Variants in MPPED2 observed in about 807,000 individuals in gnomAD.
MPPED2 encodes the protein metallophosphoesterase domain containing 2, also known as metallophosphoesterase MPPED2.
In MPPED2, 5 loss-of-function variants were observed where a neutral mutation model predicts 33.0. The ratio of observed to expected loss-of-function variants is 0.15; its 90% CI spans 0.08 to 0.32. MPPED2 has a LOEUF of 0.32. MPPED2 is among the 10% of genes least tolerant of loss of function. MPPED2 has a pLI of 1.00. For synonymous variants in MPPED2, 136 were observed against 141.9 expected (o/e 0.96, Z 0.29); for missense variants, 275 against 372.1 (o/e 0.74, Z 2.15).
intron 2 of MPPED2, among the ~76,000 whole-genome samples, chr11:30,545,482 T>C (rs138808907): frequency 2.0e-5 from 3 of 152,268 alleles, no homozygotes; most frequent in Non-Finnish European, 4.4e-5. Flanking sequence ...AGCTCTATCT[T>C]ACAGCCATCT....
chr11:30,556,477 C>T (rs1029328376), intron 2 of MPPED2, among the ~76,000 whole-genome samples: 1 of 152,140 alleles, frequency 6.6e-6, no homozygotes, highest in African/African-American at 2.4e-5. Flanking sequence ...GACTTCAATT[C>T]CACATGGTTT....
At position 30,565,831 on chromosome 11, in the gene MPPED2, C is replaced by CA. The variant is rs1317669591; in HGVS notation, c.128+14414dup. Among the ~76,000 whole-genome samples the CA allele has an allele frequency of 2.6e-5, 4 of 152,114 alleles. 1 individual carries two copies. Among genetic ancestry groups the CA allele is most frequent in the South Asian group, 4.1e-4 (2 of 4,832 alleles). On this transcript the variant is annotated intron_variant, in intron 2 of 6. Transcript: ENST00000358117. ...TCAAGGTGTTGACAGTTTAGTCACC[C>CA]ACAATTAGAACTCCATTGCATACTT...
chr11:30,402,082 G>A (rs1205028916), intron 6 of MPPED2, among the ~76,000 whole-genome samples: 3 of 152,086 alleles, frequency 2.0e-5, no homozygotes, highest in Non-Finnish European at 4.4e-5. Flanking sequence ...GGTTATGGAA[G>A]GAGAATGTCT....
chr11:30,497,721 CT>C (rs1406720979), intron 3 of MPPED2, among the ~76,000 whole-genome samples: 1 of 152,000 alleles, frequency 6.6e-6, no homozygotes, highest in Non-Finnish European at 1.5e-5. Flanking sequence ...TTCTTTCTTT[CT>C]TTTTAGTAAA....
chr11:30,443,530 G>A (rs499496), intron 4 of MPPED2, among the ~76,000 whole-genome samples: 13,111 of 152,128 alleles, frequency 0.086, 730 homozygotes, highest in South Asian at 0.24. Context: ...GGGATTGCAG[G>A]TGGGAGGGTG....
intron 2 of MPPED2, among the ~76,000 whole-genome samples, chr11:30,538,226 C>G (rs1954918188): frequency 6.6e-6 from 1 of 152,124 alleles, no homozygotes; most frequent in Non-Finnish European, 1.5e-5. Context: ...AGCTTTCATT[C>G]TAATACTAAC....
chr11:30,571,168 T>C (rs893764741), intron 2 of MPPED2, among the ~76,000 whole-genome samples: 1 of 151,192 alleles, frequency 6.6e-6, no homozygotes, highest in African/African-American at 2.4e-5. Context: ...TTTTTTTTTT[T>C]AAACTAGTTT....
intron 2 of MPPED2, among the ~76,000 whole-genome samples, chr11:30,544,675 A>G (rs1009186032): frequency 1.3e-5 from 2 of 152,238 alleles, no homozygotes; most frequent in African/African-American, 2.4e-5. Flanking sequence ...TGATATGTAA[A>G]TAGGTGATTT....
At chr11:30,486,501 A>C (rs1207929007) in intron 4 of MPPED2, among the ~76,000 whole-genome samples, 1 of 152,170 alleles carries the variant, frequency 6.6e-6, no homozygotes, top group Non-Finnish European at 1.5e-5. Context: ...CCAATCTCAA[A>C]CTTGACACCA....
At chr11:30,498,191 ATTC>A (rs1240918042) in intron 3 of MPPED2, among the ~76,000 whole-genome samples, 8 of 151,936 alleles carry the variant, frequency 5.3e-5, no homozygotes. Flanking sequence ...TTTCCATTTT[ATTC>A]AGATCATGCC....
intron 2 of MPPED2, among the ~76,000 whole-genome samples, chr11:30,549,070 T>C (rs1955578701): frequency 6.6e-6 from 1 of 152,128 alleles, no homozygotes; most frequent in South Asian, 2.1e-4. Context: ...AAAATATGAG[T>C]TCAAAGTACA....
chr11:30,498,547 CAA>C (rs3062014), intron 3 of MPPED2, among the ~76,000 whole-genome samples: 5,295 of 124,238 alleles, frequency 0.043, 265 homozygotes, highest in African/African-American at 0.13. Flanking sequence ...AAACTTGTCT[CAA>C]AAAAAAAAAA....
intron 6 of MPPED2, among the ~76,000 whole-genome samples, chr11:30,398,851 T>G (rs1166885929): frequency 6.6e-6 from 1 of 152,058 alleles, no homozygotes; most frequent in Non-Finnish European, 1.5e-5. Flanking sequence ...AACTGAAAAC[T>G]TGACTTCCTT....
intron 3 of MPPED2, among the ~76,000 whole-genome samples, chr11:30,522,511 T>C (rs1407401817): frequency 1.3e-5 from 2 of 152,202 alleles, no homozygotes; most frequent in Admixed American, 6.5e-5. Context: ...CATTGTATTA[T>C]TCTTGCAACT....
intron 4 of MPPED2, among the ~76,000 whole-genome samples, chr11:30,490,940 AT>A (rs1951953353): frequency 6.6e-6 from 1 of 152,300 alleles, no homozygotes; most frequent in African/African-American, 2.4e-5. Flanking sequence ...TGAATCCTTA[AT>A]ATCAGGGTTC....
At chr11:30,422,319 G>A (rs759952744) in intron 4 of MPPED2, among the ~76,000 whole-genome samples, 3 of 152,200 alleles carry the variant, frequency 2.0e-5, no homozygotes, top group Admixed American at 1.3e-4. Context: ...GCTGGCCAAA[G>A]CTGGCACTTG....
downstream of MPPED2, among the ~76,000 whole-genome samples, chr11:30,407,879 G>GTAAA (rs554823185): frequency 3.9e-4 from 59 of 151,912 alleles, no homozygotes; most frequent in East Asian, 9.7e-4. Context: ...AAATAAATAA[G>GTAAA]TAAATAAATA....
At chr11:30,535,247 G>A (rs374604542) in intron 3 of MPPED2, among the ~76,000 whole-genome samples, 5 of 152,016 alleles carry the variant, frequency 3.3e-5, no homozygotes, top group East Asian at 3.9e-4. Flanking sequence ...ACAATGTTAC[G>A]CTCCCAGAGT....
chr11:30,485,612 G>C (rs558451902), intron 4 of MPPED2, among the ~76,000 whole-genome samples: 2 of 152,338 alleles, frequency 1.3e-5, no homozygotes, highest in Non-Finnish European at 2.9e-5. Flanking sequence ...TTTGAGCTAT[G>C]CCCAATGTGG....
Sources: allele counts gnomAD v4.1 joint callset (sites outside exome capture counted in the v4.1 genomes callset), GRCh38; gene constraint gnomAD v4.1.1; transcripts MANE v1.5; gene names NCBI Gene and HGNC (gene_info 2026-07-23, HGNC 2026-07-21).